The following RBFOX1 variants were observed in gnomAD, a reference collection of about 807,000 sequenced individuals.
RBFOX1 encodes RNA binding fox-1 homolog 1.
RBFOX1 carries 8 observed loss-of-function variants against 57.7 expected under a neutral mutation model. The observed-to-expected ratio is 0.14, with a 90% CI of 0.08 to 0.25. RBFOX1 has a LOEUF of 0.25. Among genes scored for constraint, RBFOX1 ranks in the 10% least tolerant of loss-of-function variants. RBFOX1 has a pLI of 1.00. For missense variants in RBFOX1, 611 were observed against 548.5 expected (o/e 1.11, Z -1.14); for synonymous variants, 326 against 222.4 (o/e 1.47, Z -4.15).
At chr16:5,447,129 C>G (rs1019885311) in intron 1 of RBFOX1, among the ~76,000 whole-genome samples, 4 of 152,108 alleles carry the variant, frequency 2.6e-5, no homozygotes, top group Non-Finnish European at 5.9e-5. Flanking sequence ...GTCTCTGCGT[C>G]CAGTAGTTTC....
chr16:7,475,824 T>C (rs1033704759), intron 4 of RBFOX1, among the ~76,000 whole-genome samples: 1 of 152,218 alleles, frequency 6.6e-6, no homozygotes, highest in Non-Finnish European at 1.5e-5. Flanking sequence ...TTTGAATATA[T>C]GTTGGTAACA....
chr16:6,497,692 G>T (rs111234411), intron 2 of RBFOX1, among the ~76,000 whole-genome samples: 3,356 of 152,070 alleles, frequency 0.022, 121 homozygotes, highest in African/African-American at 0.077. Flanking sequence ...GAGTAGCTGA[G>T]ATTACAGGCA....
At chr16:7,003,159 C>T (rs774789302) in intron 3 of RBFOX1, among the ~76,000 whole-genome samples, 36 of 152,030 alleles carry the variant, frequency 2.4e-4, no homozygotes, top group African/African-American at 8.4e-4. Flanking sequence ...CTAGACAGAT[C>T]GTTTAAAAAG....
chr16:7,515,218 C>A (rs1229231516), intron 4 of RBFOX1, among the ~76,000 whole-genome samples: 1 of 151,074 alleles, frequency 6.6e-6, no homozygotes, highest in African/African-American at 2.4e-5. Flanking sequence ...TTGAACAGCC[C>A]AGAAAAAGAA....
intron 4 of RBFOX1, among the ~76,000 whole-genome samples, chr16:7,138,722 C>T (rs912515840): frequency 1.3e-5 from 2 of 152,218 alleles, no homozygotes; most frequent in African/African-American, 4.8e-5. Flanking sequence ...GGCTGCATTT[C>T]TGCAGGCCGT....
intron 4 of RBFOX1, among the ~76,000 whole-genome samples, chr16:7,195,385 A>C (rs2086447661): frequency 6.6e-6 from 1 of 152,176 alleles, no homozygotes; most frequent in Non-Finnish European, 1.5e-5. Context: ...CCACTGTAAG[A>C]GTATCAAAGA....
chr16:7,431,841 C>G (rs1352859351), intron 4 of RBFOX1, among the ~76,000 whole-genome samples: 1 of 152,198 alleles, frequency 6.6e-6, no homozygotes, highest in African/African-American at 2.4e-5. Flanking sequence ...GTGCAGAACA[C>G]TTAACTGTTA....
chr16:6,671,779 G>A (rs2098766706), intron 3 of RBFOX1, among the ~76,000 whole-genome samples: 1 of 152,180 alleles, frequency 6.6e-6, no homozygotes, highest in South Asian at 2.1e-4. Flanking sequence ...CCAGGTTGCT[G>A]TGAATGCCAT....
intron 3 of RBFOX1, among the ~76,000 whole-genome samples, chr16:6,880,322 G>T (rs1481083408): frequency 2.0e-5 from 3 of 152,306 alleles, no homozygotes; most frequent in East Asian, 1.9e-4. Flanking sequence ...CAGAGAGACA[G>T]CCTCTGTTGT....
intron 4 of RBFOX1, among the ~76,000 whole-genome samples, chr16:7,502,165 A>G (rs1226597658): frequency 3.3e-5 from 5 of 152,098 alleles, no homozygotes; most frequent in African/African-American, 1.2e-4. Flanking sequence ...ACAAGGTCAT[A>G]TTTTATCGTC....
At chr16:5,613,411 A>G (rs1238761170) in intron 3 of RBFOX1, among the ~76,000 whole-genome samples, 1 of 152,124 alleles carries the variant, frequency 6.6e-6, no homozygotes, top group African/African-American at 2.4e-5. Context: ...TGCATCCCAT[A>G]TATGTAGGGA....
intron 5 of RBFOX1, among the ~76,000 whole-genome samples, chr16:7,555,454 G>C (rs377685385): frequency 6.6e-6 from 1 of 152,170 alleles, no homozygotes; most frequent in African/African-American, 2.4e-5. Flanking sequence ...TAGAGGAAGC[G>C]GGGAAAAGGA....
intron 4 of RBFOX1, among the ~76,000 whole-genome samples, chr16:7,493,039 C>T (rs1033819527): frequency 1.1e-4 from 16 of 152,234 alleles, no homozygotes; most frequent in Admixed American, 8.5e-4. Flanking sequence ...CCACCACACC[C>T]GGCTAATCTT....
At chr16:7,671,429 C>A (rs1296409367) in intron 13 of RBFOX1, 7 of 845,856 alleles carry the variant, frequency 8.3e-6, no homozygotes, top group Non-Finnish European at 1.1e-5. Context: ...GGGCCAGTCC[C>A]AAGGCTTGGT....
At chr16:7,226,870 A>T (rs1452668880) in intron 4 of RBFOX1, among the ~76,000 whole-genome samples, 1 of 152,192 alleles carries the variant, frequency 6.6e-6, no homozygotes, top group Non-Finnish European at 1.5e-5. Flanking sequence ...TCACAGGCAA[A>T]TGGACTTTAT....
chr16:6,942,962 A>G (rs1186593527), intron 3 of RBFOX1, among the ~76,000 whole-genome samples: 1 of 152,150 alleles, frequency 6.6e-6, no homozygotes, highest in Non-Finnish European at 1.5e-5. Context: ...TGCTTTTGTG[A>G]CTTGTTTCGT....
chr16:6,810,106 T>A (rs564981429), intron 3 of RBFOX1, among the ~76,000 whole-genome samples: 1 of 151,976 alleles, frequency 6.6e-6, no homozygotes, highest in Non-Finnish European at 1.5e-5. Context: ...TATCTATCTT[T>A]TCTTGTCAAC....
intron 14 of RBFOX1, among the ~76,000 whole-genome samples, chr16:7,707,552 C>T (rs1479306977): frequency 6.6e-6 from 1 of 152,124 alleles, no homozygotes; most frequent in Admixed American, 6.5e-5. Flanking sequence ...ATGTCGATCC[C>T]AGTGAGTGTC....
chr16:7,363,641 C>T (rs2097374070), intron 4 of RBFOX1, among the ~76,000 whole-genome samples: 1 of 152,174 alleles, frequency 6.6e-6, no homozygotes, highest in African/African-American at 2.4e-5. Context: ...TTTAAACACA[C>T]TGGGACTTAA....
Sources: gnomAD v4.1 joint callset for allele counts (sites outside exome capture counted in the v4.1 genomes callset) on GRCh38, gnomAD v4.1.1 for gene constraint, MANE v1.5 for transcripts, NCBI Gene and HGNC (gene_info 2026-07-23, HGNC 2026-07-21) for gene names.